Variants in DLG1 observed in about 807,000 individuals in gnomAD.
DLG1 encodes disks large homolog 1.
DLG1 carries 42 observed loss-of-function variants against 123.4 expected under a neutral mutation model. The ratio of observed to expected loss-of-function variants is 0.34; its 90% CI spans 0.27 to 0.44. The LOEUF is 0.44. Among genes scored for constraint, DLG1 ranks in the 20% least tolerant of loss-of-function variants. The probability of loss-of-function intolerance (pLI) is 1.00; values close to 1 mark genes in which losing one functional copy is unlikely to be tolerated. For synonymous variants in DLG1, 317 were observed against 356.2 expected (o/e 0.89, Z 1.24); for missense variants, 942 against 1,082.6 (o/e 0.87, Z 1.82).
chr3:197,146,083 A>G (rs935542718), intron 6 of DLG1, among the ~76,000 whole-genome samples: 23 of 151,982 alleles, frequency 1.5e-4, no homozygotes, highest in African/African-American at 5.1e-4. Flanking sequence ...AAAATACTTA[A>G]GAATATACTT....
At chr3:197,192,083 A>T (rs189694132) in intron 5 of DLG1, among the ~76,000 whole-genome samples, 117 of 152,238 alleles carry the variant, frequency 7.7e-4, no homozygotes, top group African/African-American at 2.8e-3. Context: ...CAGAGCTGGG[A>T]GGATCACTTG....
rs528876787 is a variant in DLG1 at position 197,208,745 on chromosome 3, A to G, written c.319-14156T>C. ...AGAGAAAATACACATATTTGCTTATATACGGAGAAACCAGGATGCATAGGA... is the reference window on the plus strand; with the variant it reads ...AGAGAAAATACACATATTTGCTTATGTACGGAGAAACCAGGATGCATAGGA... On this transcript the variant is annotated intron_variant, in intron 4 of 24. Transcript: ENST00000667157. Among the ~76,000 whole-genome samples, 20 of 145,970 alleles carry G rather than the reference A, an allele frequency of 1.4e-4. 5 individuals carry two copies. In the South Asian group the frequency reaches 3.4e-3, roughly 25 times the overall value.
chr3:197,159,963 C>G (rs895293752), intron 5 of DLG1, among the ~76,000 whole-genome samples: 6 of 152,096 alleles, frequency 3.9e-5, no homozygotes, highest in Admixed American at 2.0e-4. Context: ...TGTGCCAGTA[C>G]CTGACGTGCA....
intron 23 of DLG1, among the ~76,000 whole-genome samples, chr3:197,059,482 T>A (rs1175206233): frequency 6.6e-6 from 1 of 152,262 alleles, no homozygotes; most frequent in Non-Finnish European, 1.5e-5. Context: ...ACTATTTATA[T>A]GGTTCTGCCT....
rs1440326287 is a variant in DLG1 at position 197,043,342 on chromosome 3, G to C, written c.*1281C>G. ...ATGACAAGAACAACAGTAACAACACGGACAACAACAAAAAACCTCAGGAAC... is the reference window on the plus strand; with the variant it reads ...ATGACAAGAACAACAGTAACAACACCGACAACAACAAAAAACCTCAGGAAC... On this transcript the variant is annotated 3_prime_UTR_variant, in exon 25 of 25. Coordinates refer to ENST00000667157, the MANE Select transcript of DLG1 (RefSeq NM_001366207.1). 1 of 151,888 alleles carries C rather than the reference G, an allele frequency of 6.6e-6. No individual in the cohort carries two copies. The allele number at this position is 151,888 out of a possible 1,614,324, so 9.4% of individuals were successfully genotyped here. A position where few individuals can be genotyped will look rare whatever the true frequency, so the allele number is the denominator to read the frequency against.
intron 12 of DLG1, among the ~76,000 whole-genome samples, chr3:197,117,274 G>A (rs902468903): frequency 1.3e-5 from 2 of 152,170 alleles, no homozygotes; most frequent in Non-Finnish European, 2.9e-5. Context: ...AAACCAGTTT[G>A]GTGGTTCCTC....
intron 5 of DLG1, among the ~76,000 whole-genome samples, chr3:197,184,933 C>T (rs112239387): frequency 0.012 from 1,760 of 152,208 alleles, 21 homozygotes; most frequent in African/African-American, 0.04. Flanking sequence ...ATTGGTGTAT[C>T]CTCTCCCCAT....
chr3:197,103,813 GC>G (rs1297163589), intron 14 of DLG1, among the ~76,000 whole-genome samples: 13 of 151,222 alleles, frequency 8.6e-5, no homozygotes, highest in African/African-American at 2.2e-4. Context: ...TACTCATTTA[GC>G]TCCTTTACTC....
At chr3:197,183,789 T>C (rs943661535) in intron 5 of DLG1, 3 of 1,550,056 alleles carry the variant, frequency 1.9e-6, no homozygotes, top group African/African-American at 2.7e-5. Flanking sequence ...AAGTGTGTTG[T>C]TTCCGAAAAT....
chr3:197,137,376 G>C (rs1020811149), intron 9 of DLG1, among the ~76,000 whole-genome samples: 5 of 152,082 alleles, frequency 3.3e-5, no homozygotes, highest in African/African-American at 1.2e-4. Flanking sequence ...TTTTAACTTA[G>C]CCTGTGTACC....
intron 15 of DLG1, among the ~76,000 whole-genome samples, chr3:197,089,626 T>C (rs1225542018): frequency 2.0e-5 from 3 of 151,968 alleles, no homozygotes; most frequent in African/African-American, 7.3e-5. Flanking sequence ...TAACCTATTA[T>C]GTTCTGATTT....
chr3:197,128,041 T>G (rs1048330253), intron 11 of DLG1, among the ~76,000 whole-genome samples: 10 of 152,186 alleles, frequency 6.6e-5, no homozygotes, highest in African/African-American at 2.2e-4. Flanking sequence ...GTGGGGTGCC[T>G]GTGTTAATTT....
Position 197,258,895 on chromosome 3 carries a change from T to C in DLG1, c.318+23784A>G, listed in dbSNP as rs561494762. On this transcript the variant is annotated intron_variant, in intron 4 of 24. Transcript: ENST00000667157. ...GGCTTCTAATTTCCAACCTACATCC[T>C]TCTCTATTTTTGCTTTAACAGTTAT... is the stretch of plus-strand genomic sequence containing the variant. Among the ~76,000 whole-genome samples the C allele has an allele frequency of 2.3e-4, 35 of 152,310 alleles. No individual in the cohort carries two copies. The South Asian group carries it at 4.6e-3, about 20-fold the overall frequency.
At chr3:197,112,556 T>C (rs191804952) in intron 13 of DLG1, among the ~76,000 whole-genome samples, 113 of 152,266 alleles carry the variant, frequency 7.4e-4, no homozygotes, top group Non-Finnish European at 1.6e-4. Context: ...GAGAATATTT[T>C]TTACCACTGT....
At chr3:197,274,372 G>C (rs1275972489) in intron 4 of DLG1, among the ~76,000 whole-genome samples, 1 of 152,122 alleles carries the variant, frequency 6.6e-6, no homozygotes, top group Non-Finnish European at 1.5e-5. Flanking sequence ...AAATGGTGCT[G>C]GGAAAATCTG....
chr3:197,297,132 GAC>G (rs1006013380), intron 2 of DLG1, 52 bp downstream of exon 2: 2 of 1,601,592 alleles, frequency 1.2e-6, no homozygotes, highest in African/African-American at 1.3e-5. Context: ...TCAAAAAACT[GAC>G]ACACGGAAAA....
chr3:197,086,002 C>G (rs987770932), intron 15 of DLG1, among the ~76,000 whole-genome samples: 1 of 151,672 alleles, frequency 6.6e-6, no homozygotes, highest in Admixed American at 6.6e-5. Flanking sequence ...TAAAAACGCT[C>G]TTGGATTGTA....
intron 11 of DLG1, among the ~76,000 whole-genome samples, chr3:197,124,581 T>TAAA (rs1778074970): frequency 6.6e-6 from 1 of 152,076 alleles, no homozygotes. Flanking sequence ...GTCTCTTTTT[T>TAAA]AAGAGATGGG....
intron 3 of DLG1, among the ~76,000 whole-genome samples, chr3:197,287,736 C>T (rs1416159844): frequency 6.6e-6 from 1 of 151,904 alleles, no homozygotes; most frequent in African/African-American, 2.4e-5. Flanking sequence ...ACAAAATGCA[C>T]AATAAAACAG....
Sources: allele counts gnomAD v4.1 joint callset (sites outside exome capture counted in the v4.1 genomes callset), GRCh38; gene constraint gnomAD v4.1.1; transcripts MANE v1.5; gene names NCBI Gene and HGNC (gene_info 2026-07-23, HGNC 2026-07-21).